The following DIDO1 variants were observed in gnomAD, a reference collection of about 807,000 sequenced individuals.
DIDO1 encodes the protein death inducer-obliterator 1.
DIDO1 carries 16 observed loss-of-function variants against 99.4 expected under a neutral mutation model. The observed-to-expected ratio is 0.16, with a 90% CI of 0.11 to 0.24. DIDO1 has a LOEUF of 0.24. DIDO1 is among the 10% of genes least tolerant of loss of function. The pLI, the probability that DIDO1 is intolerant of heterozygous loss-of-function variation, is 1.00. For synonymous variants in DIDO1, 1,366 were observed against 1,239.1 expected (o/e 1.10, Z -2.15); for missense variants, 2,996 against 3,014.0 (o/e 0.99, Z 0.14).
At position 62,911,231 on chromosome 20, in the gene DIDO1, C is replaced by T; in HGVS notation, c.382G>A (p.Ala128Thr). ...ASETRSGPQS[A>T]STAVKERPAS... ...GGTCGTTCCTTCACAGCTGTGGAAG[C>T]AGACTGGGGGCCGCTTCTGGTCTCA... Residue 128 changes from alanine (A) to threonine (T), a missense_variant, in exon 3 of 16, where the codon GCT becomes ACT. By Grantham distance (58) the Ala-to-Thr change is moderately conservative (BLOSUM62 0). Transcript: ENST00000395343. This position sits in a 1 kb window ranked among gnomAD's most constrained non-coding sequence, Gnocchi z 7.0. The T allele has an allele frequency of 6.2e-7, 1 of 1,613,562 alleles. No homozygotes were observed. The highest frequency in any genetic ancestry group is 2.2e-5 in the East Asian group (1 of 44,870).
intron 2 of DIDO1, among the ~76,000 whole-genome samples, chr20:62,913,534 T>C (rs959993545): frequency 6.6e-6 from 1 of 152,236 alleles, no homozygotes; most frequent in African/African-American, 2.4e-5. Context: ...TCAGTTAAAA[T>C]GGTTTATTCG....
intron 1 of DIDO1, among the ~76,000 whole-genome samples, chr20:62,922,125 CAT>C (rs1231803490): frequency 2.0e-4 from 28 of 143,494 alleles, no homozygotes; most frequent in African/African-American, 5.1e-4. Context: ...CACACACACA[CAT>C]ATATACATAT....
intron 15 of DIDO1, 54 bp from the exon 16 acceptor site, chr20:62,882,468 T>A (rs2064225530): frequency 6.6e-7 from 1 of 1,515,726 alleles, no homozygotes; most frequent in South Asian, 1.3e-5. Context: ...GCTTTTACCC[T>A]TTAGAGGTGA....
At chr20:62,937,482 C>G (rs891122688) in intron 1 of DIDO1, among the ~76,000 whole-genome samples, 1 of 152,280 alleles carries the variant, frequency 6.6e-6, no homozygotes, top group Non-Finnish European at 1.5e-5. Context: ...GCGTCCCGCC[C>G]TTCGGCGTAG....
chr20:62,892,543 G>T (rs2064420976), intron 13 of DIDO1, among the ~76,000 whole-genome samples: 1 of 152,198 alleles, frequency 6.6e-6, no homozygotes, highest in African/African-American at 2.4e-5. Context: ...TGTGGTCAGT[G>T]CCCCAGCGAA....
In DIDO1 at chr20:62,917,827, T is replaced by G. The variant is rs141067110; in HGVS notation, c.-199-3421A>C. ...GCTCCAATCTGCCCTGTGCCACCGA[T>G]GCAAATGTCAAACTCACCAGAAAAG... On this transcript the variant is annotated intron_variant, in intron 1 of 15. Transcript: ENST00000395343. Among the ~76,000 whole-genome samples, 199 of 152,364 alleles carry G rather than the reference T, an allele frequency of 1.3e-3. 1 individual carries two copies. Among genetic ancestry groups the G allele is most frequent in the African/African-American group, 4.3e-3 (180 of 41,586 alleles).
chr20:62,894,634 T>C lies in DIDO1; in HGVS notation c.2437-86A>G. ...ACCACACACAAGAAAAGCAGTCTCA[T>C]GGGATTGAGACCCACGGGGGAGAAA... On this transcript the variant is annotated intron_variant, in intron 10 of 15. Coordinates refer to ENST00000395343, the MANE Select transcript of DIDO1 (RefSeq NM_001193369.2). This position sits in a 1 kb window ranked among gnomAD's most constrained non-coding sequence, Gnocchi z 4.4. 1 of 1,538,286 alleles carries C rather than the reference T, an allele frequency of 6.5e-7. No individual in the cohort carries two copies. Among genetic ancestry groups the C allele is most frequent in the Non-Finnish European group, 8.7e-7 (1 of 1,143,210 alleles).
intron 6 of DIDO1, 178 bp downstream of exon 6, chr20:62,905,709 G>A (rs909180531): frequency 5.0e-6 from 8 of 1,609,456 alleles, no homozygotes; most frequent in Non-Finnish European, 6.8e-6. Flanking sequence ...GACTAGGGAT[G>A]GACACAGGGC....
chr20:62,893,514 C>T, intron 12 of DIDO1, 152 bp downstream of exon 12: 1 of 882,858 alleles, frequency 1.1e-6, no homozygotes, highest in Non-Finnish European at 1.6e-6. Flanking sequence ...GACAATAAGG[C>T]ACCCTACAAC....
chr20:62,936,734 C>T (rs942832679), intron 1 of DIDO1, among the ~76,000 whole-genome samples: 1 of 141,272 alleles, frequency 7.1e-6, no homozygotes, highest in African/African-American at 2.7e-5. Flanking sequence ...CGTGGTGGTG[C>T]GCCCCTGTGG....
intron 6 of DIDO1, among the ~76,000 whole-genome samples, chr20:62,901,580 A>C (rs2064682309): frequency 6.6e-6 from 1 of 152,154 alleles, no homozygotes. Flanking sequence ...TAATCCCTCC[A>C]GTCCTAAAGG....
intron 14 of DIDO1, 73 bp downstream of exon 14, chr20:62,891,914 A>C (rs1461644833): frequency 8.0e-7 from 1 of 1,257,212 alleles, no homozygotes; most frequent in African/African-American, 1.5e-5. Flanking sequence ...CATCCAAACG[A>C]GAGGTTAAAA....
intron 1 of DIDO1, among the ~76,000 whole-genome samples, chr20:62,922,397 G>A (rs1461877367): frequency 2.0e-5 from 3 of 151,990 alleles, no homozygotes; most frequent in Non-Finnish European, 4.4e-5. Context: ...CCCCCACCCA[G>A]ACATTTATAA....
At chr20:62,885,141 G>C (rs2064277387) in intron 15 of DIDO1, among the ~76,000 whole-genome samples, 1 of 152,232 alleles carries the variant, frequency 6.6e-6, no homozygotes, top group South Asian at 2.1e-4. Context: ...TGGGGTGAAG[G>C]GCACTGAGGC....
At chr20:62,885,318 C>T (rs2064279830) in intron 15 of DIDO1, among the ~76,000 whole-genome samples, 2 of 152,166 alleles carry the variant, frequency 1.3e-5, no homozygotes, top group Non-Finnish European at 2.9e-5. Flanking sequence ...AGTGCTGACT[C>T]TGACACAGAG....
intron 8 of DIDO1, among the ~76,000 whole-genome samples, 165 bp from the exon 9 acceptor site, chr20:62,895,330 C>T (rs188764073): frequency 6.6e-6 from 1 of 152,296 alleles, no homozygotes; most frequent in African/African-American, 2.4e-5. Context: ...CAGGGTGTGA[C>T]CTAACTCCCC....
intron 15 of DIDO1, chr20:62,890,044 G>A: frequency 2.0e-6 from 2 of 985,720 alleles, no homozygotes; most frequent in East Asian, 1.1e-4. Flanking sequence ...GGCATGAGGG[G>A]TGTGGGTGGG....
In DIDO1 at chr20:62,911,264, T is replaced by A; in HGVS notation, c.349A>T (p.Ser117Cys). ...AETASEGSVE[S>C]ASETRSGPQS... The stretch of plus-strand genomic sequence containing the variant: ...GGGCCGCTTCTGGTCTCAGAAGCGC[T>A]TTCCACGCTGCCCTCGGAGGCTGTC... The change falls in exon 3 of 16, where the codon AGC becomes TGC. Residue 117 changes from serine to cysteine, a missense_variant. Ser to Cys is a moderately radical substitution (Grantham distance 112). This residue lies in a region of DIDO1 where 388 missense variants were observed against 376.6 expected (regional missense o/e 1.03). Coordinates refer to ENST00000395343, the MANE Select transcript of DIDO1 (RefSeq NM_001193369.2). The surrounding 1 kb of genome is among the most constrained non-coding windows in gnomAD (Gnocchi z 7.0). 1 of 1,613,062 alleles carries A rather than the reference T, an allele frequency of 6.2e-7. No individual in the cohort carries two copies. The highest frequency in any genetic ancestry group is 8.5e-7 in the Non-Finnish European group (1 of 1,180,016).
rs914132981 is a variant in DIDO1, at chr20:62,887,630, G to A, written c.3541+3330C>T. On this transcript the variant is annotated intron_variant, in intron 15 of 15. Transcript: ENST00000395343. ...GCCTGCGGCTTCACGCGGAAATGACGGGGGCTGGGCATGGTTAACAGGCAG... is the reference window on the plus strand; with the variant it reads ...GCCTGCGGCTTCACGCGGAAATGACAGGGGCTGGGCATGGTTAACAGGCAG... The A allele has an allele frequency of 1.2e-5, 12 of 985,388 alleles. No individual in the cohort carries two copies. The Admixed American group carries it at 4.3e-4, about 35-fold the overall frequency. 61.0% of individuals were successfully genotyped at this position (985,388 alleles called of 1,614,324 possible).
Sources: gnomAD v4.1 joint callset for allele counts (sites outside exome capture counted in the v4.1 genomes callset) on GRCh38, gnomAD v4.1.1 for gene constraint, gnomAD v4.1.1 regional missense constraint, Gnocchi (gnomAD v3.1) non-coding constraint, MANE v1.5 for transcripts, NCBI Gene and HGNC (gene_info 2026-07-23, HGNC 2026-07-21) for gene names.